EDN1: variants seen among roughly 807,000 people sequenced by gnomAD.
EDN1 encodes endothelin 1, also known as endothelin-1.
A neutral mutation model predicts 21.7 loss-of-function variants in EDN1; 11 were observed. The observed-to-expected ratio is 0.51, with a 90% CI of 0.32 to 0.84. The LOEUF (loss-of-function observed/expected upper bound fraction) is 0.84. Ranked by LOEUF, EDN1 falls within the 40% of genes least tolerant of loss-of-function variation. EDN1 has a pLI of 0.03. For missense variants in EDN1, 244 were observed against 262.3 expected (o/e 0.93, Z 0.48); for synonymous variants, 85 against 90.6 (o/e 0.94, Z 0.35).
At chr6:12,270,410 T>C in the EDN1 span, among the ~76,000 whole-genome samples, 8 of 152,148 alleles carry the variant, frequency 5.3e-5, no homozygotes, top group Non-Finnish European at 1.0e-4. Flanking sequence ...ATATAGATGT[T>C]AATTGCTATA....
chr6:12,261,462 T>C, the EDN1 span, among the ~76,000 whole-genome samples: 45 of 152,322 alleles, frequency 3.0e-4, no homozygotes, highest in African/African-American at 1.0e-3. Flanking sequence ...AGGTGCTTGA[T>C]TTTTTAATGT....
chr6:12,241,721 T>C, the EDN1 span, among the ~76,000 whole-genome samples: 1 of 152,222 alleles, frequency 6.6e-6, no homozygotes, highest in Non-Finnish European at 1.5e-5. Flanking sequence ...TTACTCATGT[T>C]CATAGAAGAT....
chr6:12,252,387 T>G, the EDN1 span, among the ~76,000 whole-genome samples: 3 of 152,246 alleles, frequency 2.0e-5, no homozygotes, highest in African/African-American at 7.2e-5. Flanking sequence ...GACAGTGCTT[T>G]TGTTTCATAC....
chr6:12,294,317 C>A lies in EDN1; in HGVS notation c.446C>A (p.Ser149Tyr), dbSNP rs777308039. The change falls in exon 4 of 5, where the codon TCC becomes TAC. Residue 149 changes from serine to tyrosine, a missense_variant. By Grantham distance (144) the Ser-to-Tyr change is moderately radical. Coordinates refer to ENST00000379375, the MANE Select transcript of EDN1 (RefSeq NM_001955.5). ...AATCATAAGAAAGGAAAAGACTGTT[C>A]CAAGCTTGGGAAAAAGTGTATTTAT... is the stretch of plus-strand genomic sequence containing the variant. ...WNNHKKGKDC[S>Y]KLGKKCIYQQ... The A allele has an allele frequency of 1.2e-6, 2 of 1,614,042 alleles. No homozygotes were observed. Among genetic ancestry groups the A allele is most frequent in the Non-Finnish European group, 8.5e-7 (1 of 1,180,008 alleles).
Position 12,296,260 on chromosome 6 carries a change from A to G in EDN1, c.*193A>G. On this transcript the variant is annotated 3_prime_UTR_variant, in exon 5 of 5. Coordinates refer to ENST00000379375, the MANE Select transcript of EDN1 (RefSeq NM_001955.5). ...CCCCCAACCATCTTCACTGGCTTCC[A>G]TCAGTGGTAACTGCTTTGGTCTCTT... 1 of 583,866 alleles carries G rather than the reference A, an allele frequency of 1.7e-6. No individual in the cohort carries two copies. The highest frequency in any genetic ancestry group is 3.1e-6 in the Non-Finnish European group (1 of 319,402). The allele number at this position is 583,866 out of a possible 1,614,324, so 36.2% of individuals were successfully genotyped here.
At chr6:12,238,718 C>A in the EDN1 span, among the ~76,000 whole-genome samples, 1 of 152,114 alleles carries the variant, frequency 6.6e-6, no homozygotes, top group African/African-American at 2.4e-5. Flanking sequence ...GCAAGAAAAC[C>A]ACCATTGTAG....
chr6:12,290,986 G>C (rs1453259768), intron 1 of EDN1, among the ~76,000 whole-genome samples: 1 of 152,190 alleles, frequency 6.6e-6, no homozygotes, highest in Non-Finnish European at 1.5e-5. Context: ...AATGAGAAGA[G>C]TATGGACATA....
chr6:12,261,294 A>T, the EDN1 span, among the ~76,000 whole-genome samples: 15 of 152,224 alleles, frequency 9.9e-5, no homozygotes, highest in African/African-American at 3.6e-4. Flanking sequence ...GATTCAAGCA[A>T]GTCCACAACA....
At chr6:12,292,689 C>T (rs1286819701) in intron 2 of EDN1, among the ~76,000 whole-genome samples, 180 bp downstream of exon 2, 1 of 152,128 alleles carries the variant, frequency 6.6e-6, no homozygotes, top group African/African-American at 2.4e-5. Context: ...TTCTTAGCAA[C>T]CAAGGGGAGG....
the EDN1 span, among the ~76,000 whole-genome samples, chr6:12,239,039 G>A: frequency 6.6e-6 from 1 of 152,198 alleles, no homozygotes; most frequent in East Asian, 1.9e-4. Flanking sequence ...AAATTAGGCA[G>A]ACTTTCAGCA....
At chr6:12,237,520 T>C in the EDN1 span, among the ~76,000 whole-genome samples, 1 of 152,188 alleles carries the variant, frequency 6.6e-6, no homozygotes, top group African/African-American at 2.4e-5. Flanking sequence ...TGCTGTGTTT[T>C]AGAATTTGTG....
At chr6:12,295,879 C>A in intron 4 of EDN1, 83 bp from the exon 5 acceptor site, 2 of 1,425,702 alleles carry the variant, frequency 1.4e-6, no homozygotes, top group African/African-American at 1.4e-5. Flanking sequence ...TTGTTTGTGC[C>A]AGATTCTAAT....
At chr6:12,231,291 A>G in the EDN1 span, among the ~76,000 whole-genome samples, 1 of 152,202 alleles carries the variant, frequency 6.6e-6, no homozygotes, top group Non-Finnish European at 1.5e-5. Context: ...TGTAAAAACC[A>G]GTGTTCCACC....
chr6:12,263,558 A>C, the EDN1 span, among the ~76,000 whole-genome samples: 1 of 152,166 alleles, frequency 6.6e-6, no homozygotes, highest in Admixed American at 6.6e-5. Flanking sequence ...CTATCTTCCT[A>C]ATACTCATTT....
At chr6:12,237,470 T>A in the EDN1 span, among the ~76,000 whole-genome samples, 2 of 152,172 alleles carry the variant, frequency 1.3e-5, no homozygotes, top group Non-Finnish European at 2.9e-5. Flanking sequence ...TTTTTATAAA[T>A]GTGGTAAATT....
chr6:12,284,633 G>A, the EDN1 span, among the ~76,000 whole-genome samples: 1 of 138,304 alleles, frequency 7.2e-6, no homozygotes, highest in Non-Finnish European at 1.6e-5. Context: ...GAGAAAGAAA[G>A]GAAAGAAAGA....
upstream of EDN1, among the ~76,000 whole-genome samples, chr6:12,287,157 A>G (rs1040808070): frequency 6.8e-6 from 1 of 147,452 alleles, no homozygotes; most frequent in African/African-American, 2.6e-5. Flanking sequence ...AGGCAAGAAC[A>G]GCCACAGCAA....
chr6:12,293,906 C>T (rs2113796490), intron 2 of EDN1, 35 bp from the exon 3 acceptor site: 1 of 1,608,892 alleles, frequency 6.2e-7, no homozygotes. Context: ...CTATTAATTA[C>T]ACTAATATAG....
At chr6:12,295,735 A>G (rs575886702) in intron 4 of EDN1, among the ~76,000 whole-genome samples, 2 of 152,226 alleles carry the variant, frequency 1.3e-5, no homozygotes, top group Admixed American at 1.3e-4. Context: ...TTCCCCTTAG[A>G]CTTGACCATA....
Sources: gnomAD v4.1 joint callset for allele counts (sites outside exome capture counted in the v4.1 genomes callset) on GRCh38, gnomAD v4.1.1 for gene constraint, MANE v1.5 for transcripts, NCBI Gene and HGNC (gene_info 2026-07-23, HGNC 2026-07-21) for gene names.